ZNF148: variants seen among roughly 807,000 people sequenced by gnomAD.
ZNF148 encodes Beta-Enolase Repressor Factor-1.
In ZNF148, 7 loss-of-function variants were observed where a neutral mutation model predicts 67.7. The ratio of observed to expected loss-of-function variants is 0.10; its 90% confidence interval spans 0.06 to 0.19. The LOEUF is 0.19. Ranked by LOEUF, ZNF148 falls within the 10% of genes least tolerant of loss-of-function variation. ZNF148 has a pLI of 1.00. For missense variants in ZNF148, 583 were observed against 947.1 expected, an observed-to-expected ratio of 0.62 and a Z score of 5.05; for synonymous variants, 333 against 330.7, an observed-to-expected ratio of 1.01 and a Z score of -0.08.
chr3:125,241,036 C>G (rs1272968641), intron 7 of ZNF148, among the ~76,000 whole-genome samples: 1 of 151,614 alleles, frequency 6.6e-6, no homozygotes, highest in Non-Finnish European at 1.5e-5. Context: ...ACTGTACCAT[C>G]TTTTTTCATA....
intron 2 of ZNF148, among the ~76,000 whole-genome samples, chr3:125,327,132 G>C (rs980410777): frequency 6.6e-6 from 1 of 152,174 alleles, no homozygotes; most frequent in East Asian, 1.9e-4. Context: ...AGACAAAACA[G>C]ACTTTAAGAC....
At chr3:125,372,677 AAG>A (rs1318652489) in intron 1 of ZNF148, among the ~76,000 whole-genome samples, 1 of 152,210 alleles carries the variant, frequency 6.6e-6, no homozygotes, top group African/African-American at 2.4e-5. Context: ...TTTATAATAA[AAG>A]AGTAGAGGCC....
intron 1 of ZNF148, among the ~76,000 whole-genome samples, chr3:125,373,889 A>C (rs1942973328): frequency 6.6e-6 from 1 of 152,132 alleles, no homozygotes; most frequent in African/African-American, 2.4e-5. Context: ...CCCGACCATT[A>C]ATTATAATCT....
intron 3 of ZNF148, among the ~76,000 whole-genome samples, chr3:125,316,435 G>A (rs1940496743): frequency 6.6e-6 from 1 of 152,158 alleles, no homozygotes. Context: ...TTTCTCCACA[G>A]TGGTTGTACT....
At chr3:125,340,312 A>T (rs1941660066) in intron 1 of ZNF148, among the ~76,000 whole-genome samples, 1 of 152,210 alleles carries the variant, frequency 6.6e-6, no homozygotes, top group Non-Finnish European at 1.5e-5. Flanking sequence ...AAATGACAAT[A>T]AAGACCACAG....
At chr3:125,258,748 A>T (rs962671594) in intron 7 of ZNF148, among the ~76,000 whole-genome samples, 1 of 152,206 alleles carries the variant, frequency 6.6e-6, no homozygotes, top group African/African-American at 2.4e-5. Flanking sequence ...ATTTTACTTA[A>T]AACAGTCTAA....
At chr3:125,263,077 T>C (rs957453203) in intron 7 of ZNF148, among the ~76,000 whole-genome samples, 3 of 152,238 alleles carry the variant, frequency 2.0e-5, no homozygotes. Context: ...TCTTTACTCA[T>C]TTTTTTGAAA....
At chr3:125,310,649 A>G (rs1940155432) in intron 4 of ZNF148, among the ~76,000 whole-genome samples, 4 of 152,014 alleles carry the variant, frequency 2.6e-5, no homozygotes, top group South Asian at 2.1e-4. Flanking sequence ...AAATAGAGGG[A>G]AAAAAATCAA....
At position 125,226,869 on chromosome 3, in the gene ZNF148, C is replaced by T. The variant is rs1284845496; in HGVS notation, c.*5472G>A. On this transcript the variant is annotated 3_prime_UTR_variant, in exon 9 of 9. Coordinates refer to ENST00000360647, the MANE Select transcript of ZNF148 (RefSeq NM_021964.3). ...GTTTATATTTAAAAATATCACAAAT[C>T]TCTTTTTATTTAACACTGAAAATTT... The T allele has an allele frequency of 6.6e-6, 1 of 152,136 alleles. No individual in the cohort carries two copies. Among genetic ancestry groups the T allele is most frequent in the East Asian group, 1.9e-4 (1 of 5,204 alleles). 9.4% of individuals were successfully genotyped at this position (152,136 alleles called of 1,614,324 possible).
In ZNF148 at chr3:125,279,519, C is replaced by T. The variant is rs72973826; in HGVS notation, c.460-272G>A. Among the ~76,000 whole-genome samples the T allele has an allele frequency of 6.9e-3, 1,047 of 152,042 alleles. 3 individuals carry two copies. Among genetic ancestry groups the T allele is most frequent in the South Asian group, 0.016 (79 of 4,824 alleles). On this transcript the variant is annotated intron_variant, in intron 5 of 8. Transcript: ENST00000360647. ...GGCCTTCTCCTCTGTAATGCTTATG[C>T]GTGATGGAGTTCCTAAGTCTTCAGT...
At chr3:125,338,327 T>A (rs184660740) in intron 1 of ZNF148, among the ~76,000 whole-genome samples, 1 of 152,150 alleles carries the variant, frequency 6.6e-6, no homozygotes, top group South Asian at 2.1e-4. Flanking sequence ...TAGGTACATA[T>A]GTATATAATC....
intron 3 of ZNF148, among the ~76,000 whole-genome samples, chr3:125,322,049 T>TG: frequency 6.7e-6 from 1 of 148,190 alleles, no homozygotes; most frequent in Admixed American, 6.7e-5. Context: ...TTTTTTTTTT[T>TG]GAGAGAGAGT....
intron 7 of ZNF148, among the ~76,000 whole-genome samples, chr3:125,234,573 A>C (rs921655615): frequency 1.3e-5 from 2 of 152,216 alleles, no homozygotes; most frequent in African/African-American, 4.8e-5. Flanking sequence ...CCCTCTTTCC[A>C]AGGAGAACAG....
chr3:125,351,504 A>G (rs1235274182), intron 1 of ZNF148, among the ~76,000 whole-genome samples: 1 of 151,810 alleles, frequency 6.6e-6, no homozygotes, highest in Non-Finnish European at 1.5e-5. Flanking sequence ...ACAATACTGT[A>G]TTGCACACTT....
intron 7 of ZNF148, among the ~76,000 whole-genome samples, chr3:125,256,249 T>C (rs900656435): frequency 2.0e-5 from 3 of 151,480 alleles, no homozygotes; most frequent in African/African-American, 7.3e-5. Context: ...GTGCCTGTAG[T>C]CCCAGCTACT....
chr3:125,240,939 T>A (rs1936325728), intron 7 of ZNF148, among the ~76,000 whole-genome samples: 1 of 152,172 alleles, frequency 6.6e-6, no homozygotes, highest in Non-Finnish European at 1.5e-5. Context: ...AAATTCACCT[T>A]CCATGGTCAT....
At chr3:125,312,975 T>C (rs1410088620) in intron 4 of ZNF148, among the ~76,000 whole-genome samples, 2 of 152,186 alleles carry the variant, frequency 1.3e-5, no homozygotes, top group Admixed American at 1.3e-4. Flanking sequence ...ATGTGTGATA[T>C]TTTTCTAGTT....
At chr3:125,334,632 T>G (rs985350823) in intron 1 of ZNF148, among the ~76,000 whole-genome samples, 1 of 152,126 alleles carries the variant, frequency 6.6e-6, no homozygotes, top group African/African-American at 2.4e-5. Flanking sequence ...AACAAACCTA[T>G]GAGATAGTAT....
intron 1 of ZNF148, among the ~76,000 whole-genome samples, chr3:125,332,831 ATTC>A (rs1941344001): frequency 1.3e-5 from 2 of 152,220 alleles, no homozygotes; most frequent in Admixed American, 1.3e-4. Context: ...TTTGTCTAAA[ATTC>A]TTCTTTTAAC....
Sources: gnomAD v4.1 joint callset for allele counts (sites outside exome capture counted in the v4.1 genomes callset) on GRCh38, gnomAD v4.1.1 for gene constraint, MANE v1.5 for transcripts, NCBI Gene and HGNC (gene_info 2026-07-23, HGNC 2026-07-21) for gene names.